The following GFOD1 variants were observed in gnomAD, a reference collection of about 807,000 sequenced individuals.
The protein encoded by GFOD1 is Gfo/Idh/MocA-like oxidoreductase domain containing 1.
Under a neutral mutation model 25.4 loss-of-function variants are expected in GFOD1, and 9 were observed. That is an observed-to-expected ratio of 0.35 (90% confidence interval 0.21 to 0.62). The LOEUF (loss-of-function observed/expected upper bound fraction) is 0.62. Ranked by LOEUF, GFOD1 falls within the 20% of genes least tolerant of loss-of-function variation. The probability of loss-of-function intolerance (pLI) is 0.72; values close to 1 mark genes in which losing one functional copy is unlikely to be tolerated. For synonymous variants in GFOD1, 253 were observed against 245.6 expected, an observed-to-expected ratio of 1.03 and a Z score of -0.28; for missense variants, 403 against 556.9, an observed-to-expected ratio of 0.72 and a Z score of 2.78.
intron 1 of GFOD1, among the ~76,000 whole-genome samples, chr6:13,367,150 T>C (rs1785065111): frequency 6.6e-6 from 1 of 152,144 alleles, no homozygotes; most frequent in African/African-American, 2.4e-5. Flanking sequence ...TTAAAAATCA[T>C]ATAGTGAAAG....
In GFOD1 at chr6:13,409,139, AAGAAAGAAAGAG is replaced by A. The variant is rs1280935264; in HGVS notation, c.254-43489_254-43478del. Among the ~76,000 whole-genome samples, 15 of 35,984 alleles carry A rather than the reference AAGAAAGAAAGAG, an allele frequency of 4.2e-4. 2 individuals are homozygous for A. The highest frequency in any genetic ancestry group is 7.8e-4 in the African/African-American group (15 of 19,266). The allele number at this position is 35,984 out of a possible 152,430, so 23.6% of individuals were successfully genotyped here. ...AAAGAAAGAAAGAAAGAAAGAAAGA[AAGAAAGAAAGAG>A]AGGAAAGAAAGAAAGGAAAGAGAGA... On this transcript the variant is annotated intron_variant, in intron 1 of 1. Coordinates refer to ENST00000379287, the MANE Select transcript of GFOD1 (RefSeq NM_018988.4).
At position 13,360,066 on chromosome 6, in the gene GFOD1, T is replaced by A. The variant is rs1455789116; in HGVS notation, c.*4677A>T. ...ACAGGACTTCAGACAAGTCACTTCA[T>A]CTCTCTGAGCCTCCTTTCCCTAGAG... On this transcript the variant is annotated 3_prime_UTR_variant, in exon 2 of 2. Coordinates refer to ENST00000379287, the MANE Select transcript of GFOD1 (RefSeq NM_018988.4). 1 of 152,456 alleles carries A rather than the reference T, an allele frequency of 6.6e-6. No homozygotes were observed. The highest frequency in any genetic ancestry group is 1.5e-5 in the Non-Finnish European group (1 of 68,314). The allele number at this position is 152,456 out of a possible 1,614,324, so 9.4% of individuals were successfully genotyped here.
At chr6:13,460,639 G>T (rs894835967) in intron 1 of GFOD1, among the ~76,000 whole-genome samples, 8 of 152,130 alleles carry the variant, frequency 5.3e-5, no homozygotes, top group Admixed American at 5.2e-4. Context: ...CACAGGGAGG[G>T]GAACAACACA....
chr6:13,407,963 T>C (rs1280743689), intron 1 of GFOD1: 2 of 985,414 alleles, frequency 2.0e-6, no homozygotes, highest in Non-Finnish European at 2.4e-6. Context: ...GTTCACAGAA[T>C]ATCTCTTCTT....
chr6:13,419,011 T>A (rs979578581), intron 1 of GFOD1, among the ~76,000 whole-genome samples: 2 of 152,168 alleles, frequency 1.3e-5, no homozygotes, highest in Admixed American at 1.3e-4. Context: ...GATCATGGAG[T>A]TTGGGAGCCC....
intron 1 of GFOD1, among the ~76,000 whole-genome samples, chr6:13,374,277 G>T (rs868808106): frequency 1.5e-3 from 209 of 142,768 alleles, no homozygotes; most frequent in African/African-American, 4.7e-3. Flanking sequence ...TTTTTTTTGT[G>T]TGTGTGTGTG....
intron 1 of GFOD1, among the ~76,000 whole-genome samples, chr6:13,367,469 C>T (rs185746951): frequency 3.9e-5 from 6 of 152,264 alleles, no homozygotes; most frequent in South Asian, 4.2e-4. Flanking sequence ...GCTTCCTTCC[C>T]GACCCCCATC....
At chr6:13,427,871 C>T (rs1328294498) in intron 1 of GFOD1, among the ~76,000 whole-genome samples, 2 of 152,170 alleles carry the variant, frequency 1.3e-5, no homozygotes, top group Non-Finnish European at 2.9e-5. Flanking sequence ...AGCAGCCCCA[C>T]GACACCAGGC....
chr6:13,443,291 C>T (rs1445871639), intron 1 of GFOD1, among the ~76,000 whole-genome samples: 1 of 152,206 alleles, frequency 6.6e-6, no homozygotes. Context: ...GAGATAGAAC[C>T]TACTCCTGTT....
rs192552077 is a variant in GFOD1, at chr6:13,359,862, G to C, written c.*4881C>G. ...CTCAGGAGGCTGAGGCAGGAGAATC[G>C]CTTGAACCCGGGAGGCGGTGTTGCA... On this transcript the variant is annotated 3_prime_UTR_variant, in exon 2 of 2. Coordinates refer to ENST00000379287, the MANE Select transcript of GFOD1 (RefSeq NM_018988.4). 6.6e-6 allele frequency: 1 copy of C among 150,862 alleles called. No individual in the cohort carries two copies. Among genetic ancestry groups the C allele is most frequent in the African/African-American group, 2.5e-5 (1 of 40,542 alleles). 9.3% of individuals were successfully genotyped at this position (150,862 alleles called of 1,614,324 possible). A position where few individuals can be genotyped will look rare whatever the true frequency, so the allele number is the denominator to read the frequency against.
intron 1 of GFOD1, among the ~76,000 whole-genome samples, chr6:13,449,775 G>A (rs1266166743): frequency 6.6e-6 from 1 of 152,188 alleles, no homozygotes; most frequent in Non-Finnish European, 1.5e-5. Flanking sequence ...ATGACTGTGA[G>A]GCCTCCCCAG....
chr6:13,470,726 C>A (rs955419617), intron 1 of GFOD1: 12 of 1,428,066 alleles, frequency 8.4e-6, no homozygotes, highest in Non-Finnish European at 1.0e-5. Context: ...ATAAGAAGAG[C>A]CTGCCAGGGA....
intron 1 of GFOD1, chr6:13,486,285 C>A: frequency 3.1e-6 from 1 of 322,942 alleles, no homozygotes; most frequent in Non-Finnish European, 5.2e-6. Context: ...ACACTACACA[C>A]ACAGCTGAGG....
chr6:13,433,569 C>G (rs936205623), intron 1 of GFOD1, among the ~76,000 whole-genome samples: 1 of 152,072 alleles, frequency 6.6e-6, no homozygotes, highest in African/African-American at 2.4e-5. Flanking sequence ...CCCTGGAGGG[C>G]AAAATATTCC....
intron 1 of GFOD1, among the ~76,000 whole-genome samples, chr6:13,455,796 T>C (rs948526780): frequency 6.6e-6 from 1 of 152,216 alleles, no homozygotes. Flanking sequence ...ACCCACCTAC[T>C]GGAACTCTGC....
chr6:13,386,500 C>A (rs1279115747), intron 1 of GFOD1, among the ~76,000 whole-genome samples: 2 of 152,188 alleles, frequency 1.3e-5, no homozygotes, highest in African/African-American at 2.4e-5. Context: ...CTTGCCTGGG[C>A]AGACAGGTGG....
intron 1 of GFOD1, among the ~76,000 whole-genome samples, chr6:13,452,691 T>A (rs1412369510): frequency 6.6e-6 from 1 of 152,238 alleles, no homozygotes; most frequent in Non-Finnish European, 1.5e-5. Context: ...TTCTGTGACT[T>A]GTAAGCAAAG....
At chr6:13,473,028 G>C (rs1326614796) in intron 1 of GFOD1, among the ~76,000 whole-genome samples, 1 of 152,188 alleles carries the variant, frequency 6.6e-6, no homozygotes, top group Non-Finnish European at 1.5e-5. Flanking sequence ...AGAAAGGGAG[G>C]AGAAAGGGAG....
intron 1 of GFOD1, among the ~76,000 whole-genome samples, chr6:13,371,604 T>C (rs1040183950): frequency 3.3e-5 from 5 of 152,132 alleles, no homozygotes; most frequent in South Asian, 2.1e-4. Context: ...TAACAGGCAG[T>C]GAAAAATGAA....
Sources: allele counts gnomAD v4.1 joint callset (sites outside exome capture counted in the v4.1 genomes callset), GRCh38; gene constraint gnomAD v4.1.1; transcripts MANE v1.5; gene names NCBI Gene and HGNC (gene_info 2026-07-23, HGNC 2026-07-21).